The following SF3B1 variants were observed in gnomAD, a reference collection of about 807,000 sequenced individuals.
SF3B1 encodes pre-mRNA processing 10.
Under a neutral mutation model 153.8 loss-of-function variants are expected in SF3B1, and 12 were observed. The ratio of observed to expected loss-of-function variants is 0.08; its 90% CI spans 0.05 to 0.13. The LOEUF is 0.13. Among genes scored for constraint, SF3B1 ranks in the 10% least tolerant of loss-of-function variants. The pLI is 1.00. For synonymous variants in SF3B1, 498 were observed against 525.2 expected, an observed-to-expected ratio of 0.95 and a Z score of 0.71; for missense variants, 513 against 1,606.1, an observed-to-expected ratio of 0.32 and a Z score of 11.63.
At chr2:197,432,831 ACTT>A (rs2085461777) in intron 1 of SF3B1, among the ~76,000 whole-genome samples, 1 of 152,192 alleles carries the variant, frequency 6.6e-6, no homozygotes, top group Admixed American at 6.5e-5. Context: ...GCACCACTGC[ACTT>A]CTGCCTGGGC....
At chr2:197,433,306 T>C (rs770346515) in intron 1 of SF3B1, among the ~76,000 whole-genome samples, 5 of 152,188 alleles carry the variant, frequency 3.3e-5, no homozygotes, top group Non-Finnish European at 5.9e-5. Flanking sequence ...GTTTGGCCAA[T>C]GAATAGCAAT....
intron 6 of SF3B1, among the ~76,000 whole-genome samples, chr2:197,411,742 G>A (rs995955737): frequency 1.3e-5 from 2 of 151,772 alleles, no homozygotes; most frequent in African/African-American, 4.8e-5. Flanking sequence ...CTACCTTTAT[G>A]TTTGCAAATT....
intron 9 of SF3B1, 168 bp downstream of exon 9, chr2:197,407,830 C>T: frequency 3.6e-6 from 2 of 556,808 alleles, no homozygotes; most frequent in Non-Finnish European, 6.3e-6. Context: ...TCATGTTGTT[C>T]ATTTCTTTTC....
chr2:197,425,944 A>G (rs745871496), intron 1 of SF3B1, among the ~76,000 whole-genome samples: 27 of 152,136 alleles, frequency 1.8e-4, no homozygotes, highest in Non-Finnish European at 3.8e-4. Flanking sequence ...GGCTGCAGTA[A>G]GCCACGATTG....
At chr2:197,421,745 G>A (rs940993343) in intron 2 of SF3B1, among the ~76,000 whole-genome samples, 4 of 152,040 alleles carry the variant, frequency 2.6e-5, no homozygotes, top group Non-Finnish European at 5.9e-5. Context: ...TTGGGAGGCC[G>A]AGGCAAGGGA....
intron 1 of SF3B1, among the ~76,000 whole-genome samples, chr2:197,429,853 T>C (rs1203058952): frequency 6.6e-6 from 1 of 152,146 alleles, no homozygotes; most frequent in East Asian, 1.9e-4. Context: ...TTCAGAACTA[T>C]GCTCATACTT....
At chr2:197,425,539 A>G (rs1186059273) in intron 1 of SF3B1, among the ~76,000 whole-genome samples, 1 of 152,106 alleles carries the variant, frequency 6.6e-6, no homozygotes, top group Non-Finnish European at 1.5e-5. Flanking sequence ...ATCAAAAGAT[A>G]AAGATTCAAA....
rs572593281 is a variant in SF3B1, at chr2:197,403,477, G to A, written c.1719+108C>T. The A allele has an allele frequency of 1.4e-5, 9 of 644,900 alleles. No individual in the cohort carries two copies. The South Asian group carries it at 2.2e-4, about 16-fold the overall frequency. 39.9% of individuals were successfully genotyped at this position (644,900 alleles called of 1,614,324 possible). ...AAAACTGTATTTGTACATGTATGGTGTGTACTTGTGCAAAGGAAAAGGTCT... is the reference window on the plus strand; with the variant it reads ...AAAACTGTATTTGTACATGTATGGTATGTACTTGTGCAAAGGAAAAGGTCT... On this transcript the variant is annotated intron_variant, in intron 12 of 24. Transcript: ENST00000335508.
intron 4 of SF3B1, 83 bp downstream of exon 4, chr2:197,420,345 C>T: frequency 1.0e-6 from 1 of 1,003,080 alleles, no homozygotes. Flanking sequence ...AATTCAGAAG[C>T]ATGCCAAAAA....
chr2:197,418,152 C>T (rs1297144806), intron 5 of SF3B1, among the ~76,000 whole-genome samples: 1 of 142,824 alleles, frequency 7.0e-6, no homozygotes, highest in Non-Finnish European at 1.5e-5. Context: ...GGGAGGATAA[C>T]TTGAACCTGG....
intron 1 of SF3B1, among the ~76,000 whole-genome samples, chr2:197,433,132 A>C (rs2085467429): frequency 1.3e-5 from 2 of 152,242 alleles, no homozygotes; most frequent in African/African-American, 4.8e-5. Context: ...TTAGGAAGGA[A>C]GCAACAAGCT....
chr2:197,405,702 CT>C (rs924266706), intron 9 of SF3B1, among the ~76,000 whole-genome samples: 6 of 151,836 alleles, frequency 4.0e-5, no homozygotes, highest in Non-Finnish European at 8.8e-5. Context: ...AAGAGAAGAG[CT>C]TAGAAAATAC....
Position 197,393,202 on chromosome 2 carries a change from GA to G in SF3B1, c.3540-15del, listed in dbSNP as rs1355237383. On this transcript the variant is annotated splice_polypyrimidine_tract_variant and intron_variant, in intron 23 of 24. Coordinates refer to ENST00000335508, the MANE Select transcript of SF3B1 (RefSeq NM_012433.4). ...TGTACAAGGTCTCTACAACGGAAGG[GA>G]AAAAAGTCCTTTAAGATGCGGTCTT... 1 of 1,583,690 alleles carries G rather than the reference GA, an allele frequency of 6.3e-7. No individual in the cohort carries two copies. Among genetic ancestry groups the G allele is most frequent in the Non-Finnish European group, 8.7e-7 (1 of 1,153,370 alleles).
rs2084956372 is a variant in SF3B1, at chr2:197,403,462, T to C, written c.1719+123A>G. The stretch of plus-strand genomic sequence containing the variant: ...TCTGTACATCTGTATAAAACTGTAT[T>C]TGTACATGTATGGTGTGTACTTGTG... On this transcript the variant is annotated intron_variant, in intron 12 of 24. Coordinates refer to ENST00000335508, the MANE Select transcript of SF3B1 (RefSeq NM_012433.4). 1.1e-5 allele frequency: 6 copies of C among 566,720 alleles called. No homozygotes were observed. The South Asian group carries it at 1.8e-4, about 17-fold the overall frequency. 35.1% of individuals were successfully genotyped at this position (566,720 alleles called of 1,614,324 possible).
Position 197,391,938 on chromosome 2 carries a change from G to T in SF3B1, c.*365C>A, listed in dbSNP as rs73988457. ...TAAACCAATACTTTATCAAAGTTCC[G>T]CATTTTACAAGTCATGTTCAAAAAA... On this transcript the variant is annotated 3_prime_UTR_variant, in exon 25 of 25. Coordinates refer to ENST00000335508, the MANE Select transcript of SF3B1 (RefSeq NM_012433.4). 3,616 of 190,690 alleles carry T rather than the reference G, an allele frequency of 0.019. 128 individuals are homozygous for T. The highest frequency in any genetic ancestry group is 0.08 in the African/African-American group (3,441 of 43,072). 11.8% of individuals were successfully genotyped at this position (190,690 alleles called of 1,614,324 possible). A position where few individuals can be genotyped will look rare whatever the true frequency, so the allele number is the denominator to read the frequency against.
intron 1 of SF3B1, among the ~76,000 whole-genome samples, chr2:197,427,255 A>G (rs1383186720): frequency 6.6e-6 from 1 of 152,216 alleles, no homozygotes; most frequent in East Asian, 1.9e-4. Flanking sequence ...AGGTGAGTAT[A>G]TTACTGAACT....
At chr2:197,407,333 G>A (rs1004565387) in intron 9 of SF3B1, among the ~76,000 whole-genome samples, 22 of 152,158 alleles carry the variant, frequency 1.4e-4, no homozygotes, top group African/African-American at 3.9e-4. Context: ...GGCCAGGCAC[G>A]GTAACTCACG....
At chr2:197,406,551 A>G (rs1446925661) in intron 9 of SF3B1, among the ~76,000 whole-genome samples, 1 of 152,196 alleles carries the variant, frequency 6.6e-6, no homozygotes, top group Middle Eastern at 3.2e-3. Flanking sequence ...CTATATTTTT[A>G]TATTCACTAG....
chr2:197,411,609 T>C (rs1186450758), intron 6 of SF3B1, among the ~76,000 whole-genome samples: 1 of 151,354 alleles, frequency 6.6e-6, no homozygotes, highest in East Asian at 1.9e-4. Flanking sequence ...GAGGCAGAGT[T>C]TGCAGTGAGC....
Sources: allele counts gnomAD v4.1 joint callset (sites outside exome capture counted in the v4.1 genomes callset), GRCh38; gene constraint gnomAD v4.1.1; transcripts MANE v1.5; gene names NCBI Gene and HGNC (gene_info 2026-07-23, HGNC 2026-07-21).